The following APBB1IP variants were observed in gnomAD, a reference collection of about 807,000 sequenced individuals.
The protein encoded by APBB1IP is amyloid beta A4 precursor protein-binding family B member 1-interacting protein.
In APBB1IP, 27 loss-of-function variants were observed where a neutral mutation model predicts 64.9. That is an observed-to-expected ratio of 0.42 (90% CI 0.31 to 0.57). APBB1IP has a LOEUF of 0.57. APBB1IP is among the 20% of genes least tolerant of loss of function. The pLI, the probability that APBB1IP is intolerant of heterozygous loss-of-function variation, is 0.20. For synonymous variants in APBB1IP, 392 were observed against 331.0 expected (o/e 1.18, Z -2.00); for missense variants, 812 against 845.5 (o/e 0.96, Z 0.49).
chr10:26,565,399 C>T (rs943867701), intron 14 of APBB1IP, among the ~76,000 whole-genome samples: 1 of 152,152 alleles, frequency 6.6e-6, no homozygotes, highest in Admixed American at 6.5e-5. Flanking sequence ...CATTTGGCTT[C>T]CATTTTGAAG....
intron 8 of APBB1IP, among the ~76,000 whole-genome samples, chr10:26,522,363 A>T (rs1226595195): frequency 6.6e-6 from 1 of 152,178 alleles, no homozygotes; most frequent in Non-Finnish European, 1.5e-5. Flanking sequence ...ATGAATCTAC[A>T]TTGACACGTT....
intron 2 of APBB1IP, among the ~76,000 whole-genome samples, chr10:26,442,383 A>G (rs1391683896): frequency 6.6e-6 from 1 of 152,214 alleles, no homozygotes; most frequent in Non-Finnish European, 1.5e-5. Context: ...GGCTAGGTTG[A>G]TTAAATCAAC....
intron 2 of APBB1IP, among the ~76,000 whole-genome samples, chr10:26,462,859 T>C (rs1332077798): frequency 1.3e-5 from 2 of 152,222 alleles, no homozygotes; most frequent in African/African-American, 4.8e-5. Context: ...ATGCTCTTGT[T>C]ACTCCTCAAA....
chr10:26,499,331 A>C (rs1032223794), intron 4 of APBB1IP, among the ~76,000 whole-genome samples: 14 of 152,060 alleles, frequency 9.2e-5, no homozygotes, highest in Admixed American at 1.3e-4. Flanking sequence ...AAAAAAGAAA[A>C]GAAATTATAT....
intron 11 of APBB1IP, among the ~76,000 whole-genome samples, chr10:26,549,731 C>A (rs887930628): frequency 6.6e-6 from 1 of 151,538 alleles, no homozygotes; most frequent in Non-Finnish European, 1.5e-5. Context: ...CTAAAGGTTT[C>A]TCAATTTTAT....
At chr10:26,496,700 C>T (rs891501193) in intron 4 of APBB1IP, among the ~76,000 whole-genome samples, 9 of 151,494 alleles carry the variant, frequency 5.9e-5, no homozygotes, top group Non-Finnish European at 1.3e-4. Flanking sequence ...GGGTAGTATA[C>T]AAAAATATTA....
chr10:26,562,965 C>G (rs1390051880), intron 14 of APBB1IP, among the ~76,000 whole-genome samples: 2 of 152,144 alleles, frequency 1.3e-5, no homozygotes, highest in Non-Finnish European at 2.9e-5. Flanking sequence ...AAAATGTAAG[C>G]ATTTCCTTTA....
rs750889070 is a variant in APBB1IP, at chr10:26,468,609, G to A, written c.1-23718G>A. Among the ~76,000 whole-genome samples, 50 of 152,148 alleles carry A rather than the reference G, an allele frequency of 3.3e-4. 2 individuals are homozygous for A. Among genetic ancestry groups the A allele is most frequent in the Middle Eastern group, 3.4e-3 (1 of 294 alleles). On this transcript the variant is annotated intron_variant, in intron 2 of 14. Transcript: ENST00000376236. ...TACAATTGGGAAACATTATTATTAGGTTGGTGCAAAAGTAATTGCGGTTTT... is the reference window on the plus strand; with the variant it reads ...TACAATTGGGAAACATTATTATTAGATTGGTGCAAAAGTAATTGCGGTTTT...
chr10:26,497,097 A>C (rs995988017), intron 4 of APBB1IP, among the ~76,000 whole-genome samples: 13 of 152,138 alleles, frequency 8.5e-5, no homozygotes, highest in Non-Finnish European at 1.8e-4. Context: ...TGGGAGGCTG[A>C]GGCAGGAAGA....
chr10:26,536,221 A>G lies in APBB1IP; in HGVS notation c.1044+4A>G. 1 of 1,476,464 alleles carries G rather than the reference A, an allele frequency of 6.8e-7. No homozygotes were observed. Among genetic ancestry groups the G allele is most frequent in the Non-Finnish European group, 8.9e-7 (1 of 1,123,024 alleles). The allele number at this position is 1,476,464 out of a possible 1,614,324, so 91.5% of individuals were successfully genotyped here. A position where few individuals can be genotyped will look rare whatever the true frequency, so the allele number is the denominator to read the frequency against. ...TGTACCCAAAGGAAAGACTAAGGTCAGAAAAAAAAAAAAAAAAGCACTTAG... is the reference window on the plus strand; with the variant it reads ...TGTACCCAAAGGAAAGACTAAGGTCGGAAAAAAAAAAAAAAAAGCACTTAG... On this transcript the variant is annotated splice_donor_region_variant and intron_variant, in intron 10 of 14. Coordinates refer to ENST00000376236, the MANE Select transcript of APBB1IP (RefSeq NM_019043.4).
chr10:26,562,199 G>T, intron 13 of APBB1IP, 127 bp from the exon 14 acceptor site: 9 of 678,198 alleles, frequency 1.3e-5, no homozygotes, highest in South Asian at 3.5e-5. Flanking sequence ...TGTTTTTTTT[G>T]TAAGAACTAG....
chr10:26,476,290 T>C (rs1835774631), intron 2 of APBB1IP, among the ~76,000 whole-genome samples: 1 of 150,868 alleles, frequency 6.6e-6, no homozygotes, highest in Non-Finnish European at 1.5e-5. Context: ...AACTAAAAAT[T>C]TTTTTAACTA....
At chr10:26,546,715 A>T (rs969732021) in intron 11 of APBB1IP, among the ~76,000 whole-genome samples, 4 of 151,710 alleles carry the variant, frequency 2.6e-5, no homozygotes, top group African/African-American at 9.7e-5. Context: ...TCTACTCTCA[A>T]CTCCTATGAA....
chr10:26,513,014 C>G lies in APBB1IP; in HGVS notation c.692-525C>G, dbSNP rs141303509. 3.8e-4 allele frequency among the ~76,000 whole-genome samples: 58 copies of G among 152,352 alleles called. No homozygotes were observed. In the East Asian group the frequency reaches 0.011, roughly 29 times the overall value. On this transcript the variant is annotated intron_variant, in intron 7 of 14. Transcript: ENST00000376236. ...AGTGATGTTTTAGAGTACACACTGG[C>G]TCTCACAATTTCATTCAAAGTGTTT...
At chr10:26,542,491 T>C (rs1836708986) in intron 11 of APBB1IP, among the ~76,000 whole-genome samples, 1 of 152,208 alleles carries the variant, frequency 6.6e-6, no homozygotes, top group Admixed American at 6.5e-5. Context: ...CTCAGATCAG[T>C]CTGATCAGGA....
chr10:26,467,926 C>T lies in APBB1IP; in HGVS notation c.1-24401C>T, dbSNP rs1276680888. Among the ~76,000 whole-genome samples the T allele has an allele frequency of 1.8e-4, 27 of 152,268 alleles. No homozygotes were observed. The East Asian group carries it at 5.0e-3, about 28-fold the overall frequency. ...ATTTATGTACTAACTATAAGAAGAACAGCAACAATGATAGAAACTACAACC... is the reference window on the plus strand; with the variant it reads ...ATTTATGTACTAACTATAAGAAGAATAGCAACAATGATAGAAACTACAACC... On this transcript the variant is annotated intron_variant, in intron 2 of 14. Coordinates refer to ENST00000376236, the MANE Select transcript of APBB1IP (RefSeq NM_019043.4).
intron 11 of APBB1IP, among the ~76,000 whole-genome samples, chr10:26,555,300 A>T (rs368686832): frequency 2.6e-5 from 4 of 151,946 alleles, no homozygotes; most frequent in African/African-American, 9.7e-5. Flanking sequence ...TTCTAGTTTG[A>T]CTCAAGGGTC....
At chr10:26,516,289 T>A (rs1015701052) in intron 8 of APBB1IP, among the ~76,000 whole-genome samples, 2 of 151,878 alleles carry the variant, frequency 1.3e-5, no homozygotes, top group African/African-American at 4.8e-5. Flanking sequence ...GCACGGTGGC[T>A]CCCGCCTGTA....
At chr10:26,488,811 G>T (rs1011542950) in intron 2 of APBB1IP, among the ~76,000 whole-genome samples, 4 of 152,220 alleles carry the variant, frequency 2.6e-5, no homozygotes, top group African/African-American at 9.6e-5. Flanking sequence ...GACCTTCGGT[G>T]TTTTTCTCAC....
Sources: gnomAD v4.1 joint callset for allele counts (sites outside exome capture counted in the v4.1 genomes callset) on GRCh38, gnomAD v4.1.1 for gene constraint, MANE v1.5 for transcripts, NCBI Gene and HGNC (gene_info 2026-07-23, HGNC 2026-07-21) for gene names.